TRPM3: variants seen among roughly 807,000 people sequenced by gnomAD.
TRPM3 encodes the protein transient receptor potential cation channel subfamily M member 3.
TRPM3 carries 77 observed loss-of-function variants against 181.2 expected under a neutral mutation model. That is an observed-to-expected ratio of 0.42 (90% CI 0.35 to 0.51). The LOEUF is 0.51. Among genes scored for constraint, TRPM3 ranks in the 20% least tolerant of loss-of-function variants. TRPM3 has a pLI of 0.01. For synonymous variants in TRPM3, 745 were observed against 796.4 expected (o/e 0.94, Z 1.09); for missense variants, 1,759 against 2,196.7 (o/e 0.80, Z 3.98).
intron 6 of TRPM3, among the ~76,000 whole-genome samples, chr9:70,803,451 G>GT (rs36024262): frequency 0.25 from 31,765 of 125,152 alleles, 4,728 homozygotes; most frequent in Non-Finnish European, 0.31. Flanking sequence ...CGTTTTTGTT[G>GT]TTTTTTTTTT....
intron 6 of TRPM3, among the ~76,000 whole-genome samples, chr9:70,810,571 T>C (rs2091842727): frequency 6.6e-6 from 1 of 152,098 alleles, no homozygotes; most frequent in Non-Finnish European, 1.5e-5. Flanking sequence ...TCATTCCAAC[T>C]GAATCAATGC....
intron 9 of TRPM3, among the ~76,000 whole-genome samples, chr9:70,667,248 T>C (rs557447073): frequency 1.1e-4 from 17 of 152,096 alleles, no homozygotes; most frequent in Non-Finnish European, 2.5e-4. Flanking sequence ...AACTGTGAAC[T>C]TAATGGTTAG....
intron 1 of TRPM3, among the ~76,000 whole-genome samples, chr9:71,098,457 C>T (rs2067700947): frequency 6.6e-6 from 1 of 152,168 alleles, no homozygotes; most frequent in East Asian, 1.9e-4. Context: ...AACATAACTA[C>T]TTTCACACAC....
Position 71,205,327 on chromosome 9 carries a change from T to C in TRPM3, c.183+241326A>G, listed in dbSNP as rs371737000. Among the ~76,000 whole-genome samples the C allele has an allele frequency of 2.1e-4, 32 of 152,272 alleles. 1 individual carries two copies. The South Asian group carries it at 6.4e-3, about 31-fold the overall frequency. ...GATTATTTCTATGAAATAAGTACTA[T>C]TTTTACTCTCAAAACTTTACAAAAA... On this transcript the variant is annotated intron_variant, in intron 1 of 24. Coordinates refer to the TRPM3 transcript ENST00000357533.
At chr9:70,976,729 T>G (rs1421511542) in intron 1 of TRPM3, among the ~76,000 whole-genome samples, 5 of 152,134 alleles carry the variant, frequency 3.3e-5, no homozygotes, top group African/African-American at 1.2e-4. Flanking sequence ...TATGCCTCAA[T>G]CCCCTCATCT....
intron 1 of TRPM3, among the ~76,000 whole-genome samples, chr9:71,030,101 A>G (rs527905658): frequency 2.0e-4 from 31 of 152,322 alleles, no homozygotes; most frequent in African/African-American, 7.5e-4. Context: ...ATATATATTC[A>G]TCGTGGTTAT....
At chr9:70,762,698 T>A (rs768890963) in intron 7 of TRPM3, among the ~76,000 whole-genome samples, 1 of 152,222 alleles carries the variant, frequency 6.6e-6, no homozygotes, top group Non-Finnish European at 1.5e-5. Context: ...AGTTGCTGAT[T>A]ACAGGAACTC....
chr9:71,229,944 G>A (rs1047347055), intron 1 of TRPM3, among the ~76,000 whole-genome samples: 9 of 151,924 alleles, frequency 5.9e-5, no homozygotes, highest in Admixed American at 2.0e-4. Context: ...TATATACACC[G>A]GAGAAAGGAA....
chr9:71,051,690 C>A (rs888574490), intron 1 of TRPM3, among the ~76,000 whole-genome samples: 3 of 152,142 alleles, frequency 2.0e-5, no homozygotes, highest in African/African-American at 7.2e-5. Flanking sequence ...TTTTATATCA[C>A]CATAGAGTAC....
chr9:71,372,955 C>T (rs1299941246), intron 1 of TRPM3, among the ~76,000 whole-genome samples: 1 of 152,096 alleles, frequency 6.6e-6, no homozygotes, highest in Non-Finnish European at 1.5e-5. Flanking sequence ...AATTAGAACT[C>T]AAGACTAAGA....
chr9:71,282,074 AAGAAAGGAAAGAAAGAG>A (rs1269068677), intron 1 of TRPM3, among the ~76,000 whole-genome samples: 12,045 of 69,354 alleles, frequency 0.17, 878 homozygotes, highest in African/African-American at 0.26. Context: ...AAAGAAAGGA[AAGAAAGGAAAGAAAGAG>A]AGAAAGAAAG....
At chr9:70,826,905 G>A (rs947793447) in intron 6 of TRPM3, 13 of 152,278 alleles carry the variant, frequency 8.5e-5, no homozygotes, top group Admixed American at 4.6e-4. Flanking sequence ...GAGGCGGGAC[G>A]GTAGATTGCT....
intron 1 of TRPM3, among the ~76,000 whole-genome samples, chr9:71,199,378 C>T (rs1463963789): frequency 1.3e-5 from 2 of 152,132 alleles, no homozygotes; most frequent in Non-Finnish European, 2.9e-5. Flanking sequence ...CAGAATGATG[C>T]TAGCCTCATA....
intron 1 of TRPM3, among the ~76,000 whole-genome samples, chr9:70,945,223 G>C (rs940916564): frequency 1.3e-5 from 2 of 152,136 alleles, no homozygotes; most frequent in African/African-American, 4.8e-5. Flanking sequence ...TGCCCGGCCA[G>C]TCACTGTCTC....
chr9:71,196,526 C>T (rs1400230079), intron 1 of TRPM3, among the ~76,000 whole-genome samples: 1 of 151,810 alleles, frequency 6.6e-6, no homozygotes, highest in Non-Finnish European at 1.5e-5. Context: ...TATCATGATC[C>T]TGTGTATTTT....
chr9:71,123,732 G>C (rs1409500023), upstream of TRPM3, among the ~76,000 whole-genome samples: 1 of 152,186 alleles, frequency 6.6e-6, no homozygotes, highest in East Asian at 1.9e-4. Context: ...CATGCAGTGT[G>C]GTATTCATCC....
rs76227409 is a variant in TRPM3, at chr9:71,052,995, C to T, written c.177+68183G>A. Among the ~76,000 whole-genome samples the T allele has an allele frequency of 5.2e-3, 771 of 149,134 alleles. 12 individuals carry two copies. The highest frequency in any genetic ancestry group is 0.018 in the African/African-American group (744 of 40,764). Reference sequence around the variant, plus strand: ...AATAACAAAAACACTTTTACAACCACCGAAAGTGGATCTCAGTAACTCTTT... The same window carrying T: ...AATAACAAAAACACTTTTACAACCATCGAAAGTGGATCTCAGTAACTCTTT... On this transcript the variant is annotated intron_variant, in intron 1 of 25. Coordinates refer to ENST00000677713, the MANE Select transcript of TRPM3 (RefSeq NM_001366145.2).
intron 25 of TRPM3, among the ~76,000 whole-genome samples, chr9:70,542,571 C>G (rs921436489): frequency 3.3e-5 from 5 of 152,152 alleles, no homozygotes; most frequent in African/African-American, 1.2e-4. Context: ...AAACAGCATT[C>G]AAAAGAAGAT....
intron 1 of TRPM3, among the ~76,000 whole-genome samples, chr9:70,967,876 T>G (rs2097201739): frequency 6.6e-6 from 1 of 152,136 alleles, no homozygotes; most frequent in South Asian, 2.1e-4. Context: ...TGGATAAAGC[T>G]AATTCATACT....
Sources: gnomAD v4.1 joint callset for allele counts (sites outside exome capture counted in the v4.1 genomes callset) on GRCh38, gnomAD v4.1.1 for gene constraint, MANE v1.5 for transcripts, NCBI Gene and HGNC (gene_info 2026-07-23, HGNC 2026-07-21) for gene names.